THSD7A: variants seen among roughly 807,000 people sequenced by gnomAD.
The protein encoded by THSD7A is thrombospondin type-1 domain-containing protein 7A.
A neutral mutation model predicts 231.3 loss-of-function variants in THSD7A; 96 were observed. The ratio of observed to expected loss-of-function variants is 0.41; its 90% CI spans 0.35 to 0.49. The LOEUF (loss-of-function observed/expected upper bound fraction) is 0.49. Ranked by LOEUF, THSD7A falls within the 20% of genes least tolerant of loss-of-function variation. The pLI, the probability that THSD7A is intolerant of heterozygous loss-of-function variation, is 0.05. For synonymous variants in THSD7A, 940 were observed against 743.3 expected (o/e 1.26, Z -4.30); for missense variants, 2,290 against 2,070.2 (o/e 1.11, Z -2.06).
chr7:11,471,813 CA>C lies in THSD7A; in HGVS notation c.2253-1820del, dbSNP rs138237085. On this transcript the variant is annotated intron_variant, in intron 8 of 27. Transcript: ENST00000423059. ...TTCTTAACCAGGAAACATTATATGGCAAAACTCCACATATAATTCAGTTAAT... is the reference window on the plus strand; with the variant it reads ...TTCTTAACCAGGAAACATTATATGGCAAACTCCACATATAATTCAGTTAAT... Among the ~76,000 whole-genome samples the C allele has an allele frequency of 5.4e-4, 82 of 152,106 alleles. No homozygotes were observed. The East Asian group carries it at 0.014, about 26-fold the overall frequency.
Position 11,636,130 on chromosome 7 carries a change from C to T in THSD7A, c.1022G>A (p.Ser341Asn), listed in dbSNP as rs1246238328. The T allele has an allele frequency of 6.2e-7, 1 of 1,607,492 alleles. No individual in the cohort carries two copies. The highest frequency in any genetic ancestry group is 1.1e-5 in the South Asian group (1 of 89,972). Residue 341 changes from serine (S) to asparagine (N), a missense_variant and splice_region_variant, in exon 2 of 28, where the codon AGC (serine) becomes AAC (asparagine). Coordinates refer to ENST00000423059, the MANE Select transcript of THSD7A (RefSeq NM_015204.3). This position sits in a 1 kb window ranked among gnomAD's most constrained non-coding sequence, Gnocchi z 10.0. ...INKTGKAADL[S>N]FCQQEKLPMT... ...TAGTTAACAGTAATTAAAATGTTAC[C>T]TTAAATCAGCAGCTTTCCCCGTCTT...
chr7:11,526,950 C>G (rs1788500070), intron 6 of THSD7A, among the ~76,000 whole-genome samples: 5 of 152,114 alleles, frequency 3.3e-5, no homozygotes, highest in Admixed American at 1.3e-4. Context: ...TCACCTTATA[C>G]AGCAAGCACA....
At chr7:11,701,431 G>C (rs1054251830) in intron 1 of THSD7A, among the ~76,000 whole-genome samples, 1 of 150,970 alleles carries the variant, frequency 6.6e-6, no homozygotes, top group Non-Finnish European at 1.5e-5. Flanking sequence ...TTGAATTTTT[G>C]TGTACCTTTT....
chr7:11,530,989 T>C lies in THSD7A; in HGVS notation c.1822+10430A>G, dbSNP rs1314003701. 3.3e-5 allele frequency among the ~76,000 whole-genome samples: 5 copies of C among 151,956 alleles called. No individual in the cohort carries two copies. The East Asian group carries it at 9.7e-4, about 29-fold the overall frequency. ...TCGTGCCACTGCACTCCAGCCTGGGTGACAGACCAAGACTCTGTCACAAAA... is the reference window on the plus strand; with the variant it reads ...TCGTGCCACTGCACTCCAGCCTGGGCGACAGACCAAGACTCTGTCACAAAA... On this transcript the variant is annotated intron_variant, in intron 6 of 27. Transcript: ENST00000423059.
At chr7:11,596,917 C>T (rs1780381676) in intron 2 of THSD7A, among the ~76,000 whole-genome samples, 2 of 152,352 alleles carry the variant, frequency 1.3e-5, no homozygotes, top group Admixed American at 1.3e-4. Flanking sequence ...AAGCAATTTG[C>T]CTTCAGCTGG....
chr7:11,581,461 T>A (rs1791161016), intron 4 of THSD7A, among the ~76,000 whole-genome samples: 1 of 152,090 alleles, frequency 6.6e-6, no homozygotes, highest in Non-Finnish European at 1.5e-5. Context: ...GGTAATAATT[T>A]CTTTGCCAAT....
chr7:11,713,754 C>G (rs541596622), intron 1 of THSD7A, among the ~76,000 whole-genome samples: 1 of 151,190 alleles, frequency 6.6e-6, no homozygotes, highest in African/African-American at 2.4e-5. Context: ...TGTAAATAAA[C>G]AGGCACACAG....
At chr7:11,382,942 C>A (rs1014315596) in intron 23 of THSD7A, among the ~76,000 whole-genome samples, 7 of 146,206 alleles carry the variant, frequency 4.8e-5, no homozygotes, top group Non-Finnish European at 7.4e-5. Flanking sequence ...ATATATATAT[C>A]TCCCATCATG....
intron 9 of THSD7A, among the ~76,000 whole-genome samples, chr7:11,468,985 G>T (rs1054989783): frequency 1.3e-5 from 2 of 151,922 alleles, no homozygotes. Context: ...CACAGTAAAA[G>T]TATCCATTAT....
intron 1 of THSD7A, among the ~76,000 whole-genome samples, chr7:11,646,127 T>A (rs552074329): frequency 1.3e-5 from 2 of 152,122 alleles, no homozygotes; most frequent in African/African-American, 4.8e-5. Flanking sequence ...TTGAGAGTGT[T>A]AGAATCTTGA....
intron 2 of THSD7A, among the ~76,000 whole-genome samples, chr7:11,614,649 C>G (rs561980089): frequency 6.6e-6 from 1 of 152,206 alleles, no homozygotes; most frequent in Non-Finnish European, 1.5e-5. Context: ...TTTATCACAA[C>G]TATAGCCTTG....
intron 1 of THSD7A, among the ~76,000 whole-genome samples, chr7:11,702,963 T>A (rs1562488465): frequency 6.6e-6 from 1 of 151,294 alleles, no homozygotes; most frequent in Admixed American, 6.6e-5. Flanking sequence ...CAGAAACTTA[T>A]AATCATGTCT....
intron 6 of THSD7A, among the ~76,000 whole-genome samples, chr7:11,517,133 C>A (rs1172930376): frequency 6.6e-6 from 1 of 152,166 alleles, no homozygotes; most frequent in Non-Finnish European, 1.5e-5. Context: ...GGCTAGAGTT[C>A]AGTGGCACAA....
chr7:11,565,656 T>C (rs1320575434), intron 4 of THSD7A, among the ~76,000 whole-genome samples: 2 of 152,208 alleles, frequency 1.3e-5, no homozygotes, highest in Non-Finnish European at 2.9e-5. Context: ...CCAAAGATTT[T>C]GGTCTAAGCA....
At chr7:11,662,527 T>C (rs983032643) in intron 1 of THSD7A, among the ~76,000 whole-genome samples, 2 of 151,364 alleles carry the variant, frequency 1.3e-5, no homozygotes, top group Non-Finnish European at 3.0e-5. Flanking sequence ...ATTTAGAAGA[T>C]TAGAACAACA....
At chr7:11,783,982 C>T (rs1354442441) in intron 1 of THSD7A, among the ~76,000 whole-genome samples, 2 of 151,924 alleles carry the variant, frequency 1.3e-5, no homozygotes, top group African/African-American at 4.8e-5. Context: ...TAATTTTTTA[C>T]TATACTTATT....
At chr7:11,582,186 T>C (rs1859364) in intron 4 of THSD7A, among the ~76,000 whole-genome samples, 86,461 of 151,620 alleles carry the variant, frequency 0.57, 24,834 homozygotes, top group Admixed American at 0.65. Context: ...GCCTCTTTCA[T>C]TTTTTCTATT....
chr7:11,560,357 G>T (rs918501329), intron 4 of THSD7A, among the ~76,000 whole-genome samples: 3 of 152,074 alleles, frequency 2.0e-5, no homozygotes, highest in Non-Finnish European at 4.4e-5. Context: ...CTATGACATG[G>T]TTCCTGTTTA....
chr7:11,538,272 T>C (rs1788997231), intron 6 of THSD7A, among the ~76,000 whole-genome samples: 1 of 152,062 alleles, frequency 6.6e-6, no homozygotes, highest in African/African-American at 2.4e-5. Flanking sequence ...GACTTTTTTT[T>C]CGAAAGTCAC....
Sources: gnomAD v4.1 joint callset for allele counts (sites outside exome capture counted in the v4.1 genomes callset) on GRCh38, gnomAD v4.1.1 for gene constraint, Gnocchi (gnomAD v3.1) non-coding constraint, MANE v1.5 for transcripts, NCBI Gene and HGNC (gene_info 2026-07-23, HGNC 2026-07-21) for gene names.